The following EFNA5 variants were observed in gnomAD, a reference collection of about 807,000 sequenced individuals.
The protein encoded by EFNA5 is ephrin A5.
A neutral mutation model predicts 22.9 loss-of-function variants in EFNA5; 5 were observed. The ratio of observed to expected loss-of-function variants is 0.22; its 90% CI spans 0.11 to 0.46. The LOEUF is 0.46. Ranked by LOEUF, EFNA5 falls within the 20% of genes least tolerant of loss-of-function variation. The pLI is 0.99. For synonymous variants in EFNA5, 113 were observed against 112.2 expected (o/e 1.01, Z -0.04); for missense variants, 237 against 293.3 (o/e 0.81, Z 1.40).
At chr5:107,473,001 C>A (rs527384503) in intron 1 of EFNA5, among the ~76,000 whole-genome samples, 11 of 152,302 alleles carry the variant, frequency 7.2e-5, no homozygotes, top group South Asian at 2.1e-4. Flanking sequence ...TCCCTCCCCC[C>A]AGCACCTGCT....
rs200003799 is a variant in EFNA5 at position 107,617,235 on chromosome 5, C to G, written c.125+53254G>C. 8.2e-3 allele frequency among the ~76,000 whole-genome samples: 1,214 copies of G among 148,354 alleles called. 13 individuals carry two copies. Among genetic ancestry groups the G allele is most frequent in the East Asian group, 0.059 (297 of 5,068 alleles). ...ACACACACACACACACACACACACA[C>G]ACAGAGAGAGAGAGAGAGAGAGAAA... On this transcript the variant is annotated intron_variant, in intron 1 of 4. Coordinates refer to ENST00000333274, the MANE Select transcript of EFNA5 (RefSeq NM_001962.3).
intron 1 of EFNA5, among the ~76,000 whole-genome samples, chr5:107,524,344 T>C (rs1176252902): frequency 2.0e-5 from 3 of 152,212 alleles, no homozygotes; most frequent in Non-Finnish European, 4.4e-5. Flanking sequence ...AAAACATAGT[T>C]GTTTGCCTGG....
chr5:107,449,264 G>A (rs1458243212), intron 1 of EFNA5, among the ~76,000 whole-genome samples: 1 of 151,966 alleles, frequency 6.6e-6, no homozygotes, highest in African/African-American at 2.4e-5. Flanking sequence ...ATAACCAAAT[G>A]GCTAAAGCTG....
At chr5:107,466,141 G>A (rs1346967359) in intron 1 of EFNA5, among the ~76,000 whole-genome samples, 3 of 152,098 alleles carry the variant, frequency 2.0e-5, no homozygotes, top group Non-Finnish European at 2.9e-5. Flanking sequence ...GACGGTGCTC[G>A]AGTTATTTAG....
intron 1 of EFNA5, among the ~76,000 whole-genome samples, chr5:107,564,763 TA>T (rs1417683736): frequency 1.3e-5 from 2 of 152,070 alleles, no homozygotes; most frequent in Non-Finnish European, 2.9e-5. Flanking sequence ...TTAAAATTAT[TA>T]ATTTGTTAAG....
chr5:107,631,311 C>G (rs1484460845), intron 1 of EFNA5, among the ~76,000 whole-genome samples: 2 of 150,542 alleles, frequency 1.3e-5, no homozygotes, highest in African/African-American at 2.5e-5. Context: ...TCTCATATGC[C>G]CTGTCCTTTT....
intron 1 of EFNA5, among the ~76,000 whole-genome samples, chr5:107,588,362 C>T (rs1749239748): frequency 6.6e-6 from 1 of 152,114 alleles, no homozygotes; most frequent in Non-Finnish European, 1.5e-5. Context: ...AGGATCTTCT[C>T]ATGATTTTTC....
intron 1 of EFNA5, among the ~76,000 whole-genome samples, chr5:107,543,710 A>G (rs200379354): frequency 6.4e-5 from 1 of 15,720 alleles, no homozygotes; most frequent in Non-Finnish European, 1.3e-4. Context: ...AGTATAATTT[A>G]AAAAAAAAAC....
chr5:107,572,730 T>C (rs1168118820), intron 1 of EFNA5, among the ~76,000 whole-genome samples: 1 of 152,232 alleles, frequency 6.6e-6, no homozygotes, highest in Non-Finnish European at 1.5e-5. Context: ...CCATTGTTTT[T>C]TTACACATGT....
chr5:107,598,837 A>G (rs370454391), intron 1 of EFNA5, among the ~76,000 whole-genome samples: 1 of 152,190 alleles, frequency 6.6e-6, no homozygotes, highest in African/African-American at 2.4e-5. Flanking sequence ...ACTGTATGGC[A>G]AAATTCCACA....
intron 1 of EFNA5, among the ~76,000 whole-genome samples, chr5:107,481,970 C>T (rs1561405774): frequency 6.6e-6 from 1 of 152,194 alleles, no homozygotes. Flanking sequence ...TAATCATACA[C>T]TTCTAAGTTA....
intron 2 of EFNA5, among the ~76,000 whole-genome samples, chr5:107,406,786 T>C (rs2112396281): frequency 6.6e-6 from 1 of 152,328 alleles, no homozygotes; most frequent in East Asian, 1.9e-4. Flanking sequence ...CTCTGTTGTA[T>C]TCACAAAGTC....
At chr5:107,642,744 G>A (rs1270372411) in intron 1 of EFNA5, among the ~76,000 whole-genome samples, 1 of 152,078 alleles carries the variant, frequency 6.6e-6, no homozygotes, top group Non-Finnish European at 1.5e-5. Flanking sequence ...GAAAGAATAC[G>A]GGGAGTGGTC....
At chr5:107,606,044 A>C (rs1749706181) in intron 1 of EFNA5, among the ~76,000 whole-genome samples, 1 of 152,154 alleles carries the variant, frequency 6.6e-6, no homozygotes, top group Non-Finnish European at 1.5e-5. Flanking sequence ...TGTGAATAGC[A>C]CTCAACAGGG....
At chr5:107,458,719 A>G (rs557988040) in intron 1 of EFNA5, among the ~76,000 whole-genome samples, 30 of 152,298 alleles carry the variant, frequency 2.0e-4, no homozygotes, top group African/African-American at 7.0e-4. Flanking sequence ...CTATGCATTG[A>G]ACCGCTGTCT....
intron 1 of EFNA5, among the ~76,000 whole-genome samples, chr5:107,578,868 C>T (rs1489533860): frequency 1.3e-5 from 2 of 152,162 alleles, no homozygotes; most frequent in Non-Finnish European, 1.5e-5. Flanking sequence ...ACATGGTAGG[C>T]CCAGTGCCTA....
At chr5:107,484,458 T>C (rs144796969) in intron 1 of EFNA5, among the ~76,000 whole-genome samples, 1 of 152,158 alleles carries the variant, frequency 6.6e-6, no homozygotes, top group South Asian at 2.1e-4. Context: ...AATGGATCCA[T>C]TGCAACAGAC....
chr5:107,421,308 TAACTC>T (rs1748659282), intron 2 of EFNA5, among the ~76,000 whole-genome samples: 1 of 152,220 alleles, frequency 6.6e-6, no homozygotes, highest in Non-Finnish European at 1.5e-5. Flanking sequence ...GTCCTAGTAA[TAACTC>T]AGATATAACA....
chr5:107,552,043 T>A (rs904793388), intron 1 of EFNA5, among the ~76,000 whole-genome samples: 1 of 151,498 alleles, frequency 6.6e-6, no homozygotes, highest in Non-Finnish European at 1.5e-5. Flanking sequence ...AGACTCAAGT[T>A]TTTTTTTTCA....
Sources: gnomAD v4.1 joint callset for allele counts (sites outside exome capture counted in the v4.1 genomes callset) on GRCh38, gnomAD v4.1.1 for gene constraint, MANE v1.5 for transcripts, NCBI Gene and HGNC (gene_info 2026-07-23, HGNC 2026-07-21) for gene names.